The following FAHD2B variants were observed in gnomAD, a reference collection of about 807,000 sequenced individuals.
The protein encoded by FAHD2B is oxaloacetate tautomerase FAHD2B, mitochondrial.
A neutral mutation model predicts 33.7 loss-of-function variants in FAHD2B; 26 were observed. That is an observed-to-expected ratio of 0.77 (90% CI 0.57 to 1.07). The LOEUF (loss-of-function observed/expected upper bound fraction) is 1.07. FAHD2B is among the 50% of genes least tolerant of loss of function. The pLI is 0.00. For synonymous variants in FAHD2B, 108 were observed against 150.9 expected, an observed-to-expected ratio of 0.72 and a Z score of 2.08; for missense variants, 272 against 388.1, an observed-to-expected ratio of 0.70 and a Z score of 2.51.
chr2:97,082,050 G>A (rs1274682205), downstream of FAHD2B: 80 of 1,586,796 alleles, frequency 5.0e-5, 3 homozygotes, highest in South Asian at 8.5e-4. Context: ...TGTGGAAACC[G>A]AGTGGGGATT....
downstream of FAHD2B, chr2:97,083,266 G>A (rs1175955924): frequency 5.4e-5 from 87 of 1,606,266 alleles, no homozygotes; most frequent in Non-Finnish European, 7.1e-5. Flanking sequence ...CTAGAACTGT[G>A]AGGAGGAGCC....
chr2:97,080,686 C>T (rs1446382399), downstream of FAHD2B, among the ~76,000 whole-genome samples: 1 of 151,942 alleles, frequency 6.6e-6, no homozygotes, highest in Admixed American at 6.6e-5. Flanking sequence ...GGCAGTATGG[C>T]CATTTTCATA....
At chr2:97,082,179 C>T (rs1182409479), downstream of FAHD2B, 20 of 1,529,102 alleles carry the variant, frequency 1.3e-5, 1 homozygote, top group Non-Finnish European at 1.5e-5. Context: ...GCACTCACCC[C>T]GGCCTGTCCC....
chr2:97,083,721 G>A lies in FAHD2B; in HGVS notation c.*34C>T, dbSNP rs774351787. 1.2e-6 allele frequency: 2 copies of A among 1,614,024 alleles called. No homozygotes were observed. Among genetic ancestry groups the A allele is most frequent in the South Asian group, 2.2e-5 (2 of 91,032 alleles). On this transcript the variant is annotated 3_prime_UTR_variant, in exon 9 of 9. Transcript: ENST00000414820. ...TGGGCTAGGCTGAGTGGGAGCAGAT[G>A]CCCTCATCCTATGTCGGGCCTGTGC...
downstream of FAHD2B, chr2:97,083,178 G>C: frequency 1.2e-6 from 2 of 1,602,222 alleles, no homozygotes; most frequent in East Asian, 4.5e-5. Context: ...CAGGCCCCAG[G>C]CTCCACCTAT....
intron 1 of FAHD2B, among the ~76,000 whole-genome samples, chr2:97,092,965 CAAAAAAAAAA>C (rs748844060): frequency 1.6e-5 from 1 of 64,218 alleles, no homozygotes; most frequent in African/African-American, 5.7e-5. Flanking sequence ...AGAGCGACTC[CAAAAAAAAAA>C]AAAAAAAAAA....
chr2:97,083,380 C>T, downstream of FAHD2B: 3 of 1,472,408 alleles, frequency 2.0e-6, no homozygotes, highest in Non-Finnish European at 2.7e-6. Flanking sequence ...ATCATTGAGG[C>T]TTGATTGTCC....
chr2:97,081,067 G>A (rs374637232), downstream of FAHD2B: 150 of 1,501,928 alleles, frequency 1.0e-4, 2 homozygotes, highest in East Asian at 1.3e-3. Context: ...TGAAGGGAAC[G>A]GCTCCTTCCT....
downstream of FAHD2B, chr2:97,082,859 C>T: frequency 1.2e-6 from 1 of 836,774 alleles, no homozygotes; most frequent in Admixed American, 1.9e-5. Context: ...ACAGGGCTGG[C>T]CTGATGGTGC....
downstream of FAHD2B, among the ~76,000 whole-genome samples, chr2:97,079,057 A>G (rs1238456697): frequency 1.1e-4 from 17 of 152,046 alleles, 1 homozygote; most frequent in Admixed American, 3.9e-4. Context: ...GCTAAGGATA[A>G]TGGCCTCCAG....
chr2:97,092,937 C>T (rs2032436925), intron 1 of FAHD2B, among the ~76,000 whole-genome samples: 1 of 149,018 alleles, frequency 6.7e-6, no homozygotes, highest in Admixed American at 6.7e-5. Flanking sequence ...CATGCCACAT[C>T]CCTCCAGCCC....
At chr2:97,082,518 G>A, downstream of FAHD2B, 1 of 1,607,292 alleles carries the variant, frequency 6.2e-7, no homozygotes, top group Non-Finnish European at 8.5e-7. Context: ...TTTGCTGGTG[G>A]CTGCTGCCCC....
intron 4 of FAHD2B, among the ~76,000 whole-genome samples, chr2:97,088,541 C>T (rs1161854197): frequency 4.6e-5 from 7 of 152,130 alleles, no homozygotes; most frequent in African/African-American, 2.4e-5. Context: ...TCTCTAGCCA[C>T]GTGGAACTGT....
chr2:97,089,937 G>A (rs1055926790), intron 4 of FAHD2B, 172 bp downstream of exon 4: 52 of 612,360 alleles, frequency 8.5e-5, no homozygotes, highest in Middle Eastern at 4.4e-4. Flanking sequence ...AGGAAAACAC[G>A]TACATTAACT....
downstream of FAHD2B, among the ~76,000 whole-genome samples, chr2:97,079,651 TTTATTTTTTC>T (rs2031580459): frequency 6.6e-6 from 1 of 151,036 alleles, no homozygotes; most frequent in Admixed American, 6.6e-5. Flanking sequence ...TCTTTTTTAT[TTTATTTTTTC>T]TTTTCTTTTC....
intron 3 of FAHD2B, 148 bp downstream of exon 3, chr2:97,091,314 G>A (rs923281916): frequency 1.7e-6 from 2 of 1,146,234 alleles, no homozygotes; most frequent in African/African-American, 3.4e-5. Flanking sequence ...AGATTTCTAA[G>A]GATCTTTTAA....
downstream of FAHD2B, chr2:97,082,166 G>A (rs1197709674): frequency 1.0e-4 from 156 of 1,539,362 alleles, 1 homozygote; most frequent in Non-Finnish European, 1.3e-4. Flanking sequence ...GTGGTGGGGA[G>A]CTGCACTCAC....
At chr2:97,082,391 T>G, downstream of FAHD2B, 1 of 1,613,706 alleles carries the variant, frequency 6.2e-7, no homozygotes, top group Non-Finnish European at 8.5e-7. Flanking sequence ...GTCTTCTCTC[T>G]TCTGCAGAGT....
downstream of FAHD2B, chr2:97,081,277 T>A: frequency 2.0e-6 from 3 of 1,468,476 alleles, no homozygotes; most frequent in Non-Finnish European, 2.7e-6. Flanking sequence ...GCCCACTTGG[T>A]CCTAGGCCTT....
Sources: gnomAD v4.1 joint callset for allele counts (sites outside exome capture counted in the v4.1 genomes callset) on GRCh38, gnomAD v4.1.1 for gene constraint, MANE v1.5 for transcripts, NCBI Gene and HGNC (gene_info 2026-07-23, HGNC 2026-07-21) for gene names.